The following TSEN2 variants were observed in gnomAD, a reference collection of about 807,000 sequenced individuals.
TSEN2 encodes the protein tRNA splicing endonuclease subunit 2.
A neutral mutation model predicts 59.2 loss-of-function variants in TSEN2; 54 were observed. The ratio of observed to expected loss-of-function variants is 0.91; its 90% CI spans 0.73 to 1.14. TSEN2 has a LOEUF of 1.14. Ranked by LOEUF, TSEN2 falls within the 50% of genes most tolerant of loss-of-function variation. TSEN2 has a pLI of 0.00. For synonymous variants in TSEN2, 195 were observed against 198.2 expected, an observed-to-expected ratio of 0.98 and a Z score of 0.14; for missense variants, 636 against 576.2, an observed-to-expected ratio of 1.10 and a Z score of -1.06.
chr3:12,516,811 G>T, intron 7 of TSEN2, 150 bp downstream of exon 7: 1 of 822,540 alleles, frequency 1.2e-6, no homozygotes, highest in Non-Finnish European at 2.0e-6. Flanking sequence ...TTGGATTTGG[G>T]TCCTGAGGTG....
chr3:12,501,171 C>T (rs2054246875), intron 4 of TSEN2, among the ~76,000 whole-genome samples: 2 of 152,126 alleles, frequency 1.3e-5, no homozygotes, highest in African/African-American at 2.4e-5. Context: ...AGAAGACACC[C>T]TGCAGGTTGT....
chr3:12,509,136 G>T (rs906752174), intron 6 of TSEN2, among the ~76,000 whole-genome samples: 7 of 151,896 alleles, frequency 4.6e-5, no homozygotes, highest in Non-Finnish European at 7.4e-5. Context: ...TAAAGTAAAA[G>T]CAGTTGCATA....
chr3:12,488,703 C>A (rs879608183), intron 1 of TSEN2, among the ~76,000 whole-genome samples: 3 of 152,210 alleles, frequency 2.0e-5, no homozygotes, highest in African/African-American at 7.2e-5. Flanking sequence ...TTTCTGTTCT[C>A]CCTCATGGTG....
intron 9 of TSEN2, 29 bp downstream of exon 9, chr3:12,528,953 G>A (rs1380452004): frequency 1.2e-6 from 2 of 1,612,950 alleles, no homozygotes; most frequent in Non-Finnish European, 1.7e-6. Context: ...ATAAACTAAT[G>A]GGTTAAAGGG....
At chr3:12,502,369 G>A (rs147566187) in intron 4 of TSEN2, among the ~76,000 whole-genome samples, 286 of 151,914 alleles carry the variant, frequency 1.9e-3, no homozygotes, top group African/African-American at 6.6e-3. Context: ...AAAAATTTGT[G>A]TTCAAAAATA....
At chr3:12,530,713 T>G (rs1291172117) in intron 10 of TSEN2, 1 of 985,336 alleles carries the variant, frequency 1.0e-6, no homozygotes, top group Admixed American at 6.1e-5. Flanking sequence ...GAGCCTATAC[T>G]GTTTCTAGAA....
chr3:12,534,758 C>T (rs545468422), downstream of TSEN2, among the ~76,000 whole-genome samples: 7 of 149,920 alleles, frequency 4.7e-5, no homozygotes, highest in Admixed American at 2.7e-4. Flanking sequence ...GAGCCGAGAT[C>T]GCGCCACTGC....
intron 8 of TSEN2, among the ~76,000 whole-genome samples, chr3:12,526,138 A>G (rs1187358670): frequency 6.6e-6 from 1 of 152,032 alleles, no homozygotes; most frequent in Non-Finnish European, 1.5e-5. Flanking sequence ...CAGGAGTTCA[A>G]GACCAGCCTG....
intron 3 of TSEN2, among the ~76,000 whole-genome samples, chr3:12,494,050 C>T (rs2053498205): frequency 6.6e-6 from 1 of 152,174 alleles, no homozygotes; most frequent in Non-Finnish European, 1.5e-5. Flanking sequence ...TGTGGATATC[C>T]AGTTGTCCCA....
At chr3:12,520,297 G>A (rs1026029787) in intron 8 of TSEN2, among the ~76,000 whole-genome samples, 2 of 152,028 alleles carry the variant, frequency 1.3e-5, no homozygotes, top group African/African-American at 2.4e-5. Context: ...CATGCCGGCC[G>A]TATTGTCTTC....
upstream of TSEN2, among the ~76,000 whole-genome samples, chr3:12,481,068 A>C (rs1452430624): frequency 6.6e-6 from 1 of 152,230 alleles, no homozygotes; most frequent in Admixed American, 6.5e-5. Context: ...GTAAGTGCCC[A>C]ATAAATTGTC....
At chr3:12,480,528 G>GTTTTTTTTTTTTTTTTTTT (rs752340308), upstream of TSEN2, among the ~76,000 whole-genome samples, 34 of 91,738 alleles carry the variant, frequency 3.7e-4, no homozygotes, top group Non-Finnish European at 5.2e-4. Flanking sequence ...TTGTTTCTTT[G>GTTTTTTTTTTTTTTTTTTT]TTTTTTTTTT....
intron 7 of TSEN2, among the ~76,000 whole-genome samples, chr3:12,516,931 A>C (rs1416488672): frequency 6.6e-6 from 1 of 152,242 alleles, no homozygotes; most frequent in Non-Finnish European, 1.5e-5. Context: ...AATCTGTGTC[A>C]GAACAGTATT....
At chr3:12,505,915 C>T (rs937393827) in intron 6 of TSEN2, among the ~76,000 whole-genome samples, 6 of 151,830 alleles carry the variant, frequency 4.0e-5, no homozygotes, top group South Asian at 2.1e-4. Context: ...CAGTGAGCCA[C>T]GATTGCACTA....
chr3:12,509,563 G>A (rs768867469), intron 6 of TSEN2, among the ~76,000 whole-genome samples: 2 of 152,178 alleles, frequency 1.3e-5, no homozygotes, highest in Non-Finnish European at 1.5e-5. Context: ...CAAAGTAGAT[G>A]TGTTTAATTT....
intron 6 of TSEN2, chr3:12,510,989 T>G (rs1347497000): frequency 6.6e-6 from 1 of 152,228 alleles, no homozygotes; most frequent in Non-Finnish European, 1.5e-5. Flanking sequence ...AAACTTCAGG[T>G]GAACTGCTTT....
At chr3:12,525,312 C>A (rs140765231) in intron 8 of TSEN2, among the ~76,000 whole-genome samples, 19 of 152,148 alleles carry the variant, frequency 1.2e-4, no homozygotes, top group Non-Finnish European at 1.6e-4. Flanking sequence ...TACAGTTTTT[C>A]TTTTGTAAAA....
chr3:12,537,772 G>C (rs2057708850), downstream of TSEN2, among the ~76,000 whole-genome samples: 1 of 152,162 alleles, frequency 6.6e-6, no homozygotes, highest in Admixed American at 6.5e-5. Flanking sequence ...TATAAAAGAA[G>C]CATAATGTTA....
chr3:12,527,479 A>G (rs1575457443), intron 8 of TSEN2, among the ~76,000 whole-genome samples: 4 of 129,578 alleles, frequency 3.1e-5, no homozygotes, highest in Admixed American at 9.2e-5. Context: ...TTTGAGACGG[A>G]GTCTCGCTCT....
Sources: gnomAD v4.1 joint callset for allele counts (sites outside exome capture counted in the v4.1 genomes callset) on GRCh38, gnomAD v4.1.1 for gene constraint, MANE v1.5 for transcripts, NCBI Gene and HGNC (gene_info 2026-07-23, HGNC 2026-07-21) for gene names.